The following DLC1 variants were observed in gnomAD, a reference collection of about 807,000 sequenced individuals.
The protein encoded by DLC1 is rho GTPase-activating protein 7.
Under a neutral mutation model 140.3 loss-of-function variants are expected in DLC1, and 54 were observed. The ratio of observed to expected loss-of-function variants is 0.38; its 90% CI spans 0.31 to 0.48. The LOEUF (loss-of-function observed/expected upper bound fraction) is 0.48. Among genes scored for constraint, DLC1 ranks in the 20% least tolerant of loss-of-function variants. The pLI is 0.96. For missense variants in DLC1, 2,536 were observed against 1,907.0 expected, an observed-to-expected ratio of 1.33 and a Z score of -6.14; for synonymous variants, 986 against 728.1, an observed-to-expected ratio of 1.35 and a Z score of -5.70.
intron 1 of DLC1, among the ~76,000 whole-genome samples, chr8:13,529,411 A>G (rs1162881229): frequency 6.6e-6 from 1 of 152,128 alleles, no homozygotes; most frequent in Non-Finnish European, 1.5e-5. Context: ...TTTTCCCCCA[A>G]ACCTTCCTAT....
At chr8:13,210,666 G>A (rs1827893553) in intron 5 of DLC1, among the ~76,000 whole-genome samples, 1 of 152,192 alleles carries the variant, frequency 6.6e-6, no homozygotes, top group Non-Finnish European at 1.5e-5. Flanking sequence ...TTGTAACACA[G>A]TTGGTCCTCA....
At chr8:13,186,717 G>A (rs1439100853) in intron 5 of DLC1, among the ~76,000 whole-genome samples, 1 of 152,200 alleles carries the variant, frequency 6.6e-6, no homozygotes, top group Non-Finnish European at 1.5e-5. Flanking sequence ...CAGTCCTTTG[G>A]AGGAGAAGAG....
At chr8:13,363,785 G>T (rs1835355312) in intron 4 of DLC1, among the ~76,000 whole-genome samples, 1 of 152,110 alleles carries the variant, frequency 6.6e-6, no homozygotes, top group Admixed American at 6.6e-5. Flanking sequence ...CTCAGTATTT[G>T]GTGATTGCAA....
intron 5 of DLC1, among the ~76,000 whole-genome samples, chr8:13,146,274 C>CAA (rs35639452): frequency 2.9e-4 from 41 of 139,426 alleles, no homozygotes; most frequent in Non-Finnish European, 4.1e-4. Flanking sequence ...GACTCCATCT[C>CAA]AAAAAAAAAA....
At chr8:13,299,473 C>T (rs1832094665) in intron 5 of DLC1, among the ~76,000 whole-genome samples, 1 of 146,520 alleles carries the variant, frequency 6.8e-6, no homozygotes, top group African/African-American at 2.5e-5. Context: ...AAAAAAGCTC[C>T]TCATCTTTTT....
intron 2 of DLC1, among the ~76,000 whole-genome samples, chr8:13,485,961 C>A (rs992050392): frequency 6.6e-6 from 1 of 152,200 alleles, no homozygotes; most frequent in African/African-American, 2.4e-5. Context: ...AATCCGCTAG[C>A]TAACTTCCTT....
chr8:13,157,247 G>T (rs2128981954), intron 5 of DLC1, among the ~76,000 whole-genome samples: 1 of 152,186 alleles, frequency 6.6e-6, no homozygotes. Flanking sequence ...TGACATTAAG[G>T]ACTCAAATAA....
At chr8:13,450,552 A>G (rs898547028) in intron 2 of DLC1, among the ~76,000 whole-genome samples, 24 of 152,038 alleles carry the variant, frequency 1.6e-4, no homozygotes, top group Non-Finnish European at 4.4e-5. Context: ...TTTGAAAACA[A>G]TATTTGAATT....
chr8:13,272,227 C>T (rs1830963029), intron 5 of DLC1, among the ~76,000 whole-genome samples: 1 of 152,096 alleles, frequency 6.6e-6, no homozygotes, highest in East Asian at 1.9e-4. Flanking sequence ...GTGGGTGGAT[C>T]ATTTGAAGTT....
intron 4 of DLC1, among the ~76,000 whole-genome samples, chr8:13,349,564 A>G (rs1232750833): frequency 6.6e-6 from 1 of 152,222 alleles, no homozygotes; most frequent in African/African-American, 2.4e-5. Flanking sequence ...CACGTTTTAG[A>G]GTGTTCCCTT....
chr8:13,570,339 C>A, intron 1 of DLC1, among the ~76,000 whole-genome samples: 1 of 149,252 alleles, frequency 6.7e-6, no homozygotes, highest in Non-Finnish European at 1.5e-5. Context: ...TACCTGTGCA[C>A]ATTGTGCAGG....
intron 4 of DLC1, among the ~76,000 whole-genome samples, chr8:13,370,109 C>G (rs1163128307): frequency 6.6e-6 from 1 of 151,116 alleles, no homozygotes; most frequent in Non-Finnish European, 1.5e-5. Flanking sequence ...AAACTTTACT[C>G]AAAAACCTAA....
chr8:13,433,256 G>C (rs1838969369), intron 2 of DLC1, among the ~76,000 whole-genome samples: 1 of 152,104 alleles, frequency 6.6e-6, no homozygotes, highest in Non-Finnish European at 1.5e-5. Context: ...GTTTCTCTTT[G>C]ATAAAAATGG....
At chr8:13,540,955 C>G (rs1236598598) in intron 1 of DLC1, among the ~76,000 whole-genome samples, 2 of 152,238 alleles carry the variant, frequency 1.3e-5, no homozygotes, top group African/African-American at 4.8e-5. Flanking sequence ...CCACAATTCT[C>G]TCTGAGAGAC....
chr8:13,195,062 T>A (rs1826971807), intron 5 of DLC1, among the ~76,000 whole-genome samples: 1 of 152,200 alleles, frequency 6.6e-6, no homozygotes, highest in Non-Finnish European at 1.5e-5. Context: ...CTTTAAAAAA[T>A]GCTTCAAATA....
Position 13,350,833 on chromosome 8 carries a change from C to T in DLC1, c.1314+42720G>A, listed in dbSNP as rs1168078693. ...GTGGTAGCCTTTAGTGATTCTATTG[C>T]TCACACCTTGCATAGAAGCCGCTCT... is the stretch of plus-strand genomic sequence containing the variant. On this transcript the variant is annotated intron_variant, in intron 4 of 17. Transcript: ENST00000276297. 2.6e-5 allele frequency among the ~76,000 whole-genome samples: 4 copies of T among 152,302 alleles called. No individual in the cohort carries two copies. In the East Asian group the frequency reaches 5.8e-4, roughly 22 times the overall value.
chr8:13,090,249 T>C lies in DLC1; in HGVS notation c.4074+3A>G, dbSNP rs559438016. 1.2e-6 allele frequency: 2 copies of C among 1,613,422 alleles called. No individual in the cohort carries two copies. The highest frequency in any genetic ancestry group is 1.3e-5 in the African/African-American group (1 of 75,018). Reference sequence around the variant, plus strand: ...ACTAGCCGACAACAGGGTGAAGCCTTACCTTCTTATAGGACAGCTCAGCCT... The same window carrying C: ...ACTAGCCGACAACAGGGTGAAGCCTCACCTTCTTATAGGACAGCTCAGCCT... On this transcript the variant is annotated splice_donor_region_variant and intron_variant, in intron 15 of 17. Transcript: ENST00000276297.
intron 5 of DLC1, among the ~76,000 whole-genome samples, chr8:13,273,634 A>G (rs537120493): frequency 1.1e-4 from 17 of 149,376 alleles, no homozygotes; most frequent in African/African-American, 4.2e-4. Flanking sequence ...AGACAAGGAG[A>G]TGTAAATGAT....
intron 1 of DLC1, among the ~76,000 whole-genome samples, chr8:13,586,884 C>A (rs1276024006): frequency 1.3e-5 from 2 of 152,096 alleles, no homozygotes; most frequent in African/African-American, 2.4e-5. Context: ...TAGTTTTGAT[C>A]ATTCTAAGGT....
Sources: gnomAD v4.1 joint callset for allele counts (sites outside exome capture counted in the v4.1 genomes callset) on GRCh38, gnomAD v4.1.1 for gene constraint, MANE v1.5 for transcripts, NCBI Gene and HGNC (gene_info 2026-07-23, HGNC 2026-07-21) for gene names.